Variants in CPAMD8 observed in about 807,000 individuals in gnomAD.
CPAMD8 encodes the protein C3 and PZP-like alpha-2-macroglobulin domain-containing protein 8.
CPAMD8 carries 146 observed loss-of-function variants against 224.7 expected under a neutral mutation model. The ratio of observed to expected loss-of-function variants is 0.65; its 90% confidence interval spans 0.57 to 0.75. CPAMD8 has a LOEUF of 0.75. CPAMD8 is among the 30% of genes least tolerant of loss of function. The pLI is 0.00. For missense variants in CPAMD8, 2,301 were observed against 2,537.5 expected, an observed-to-expected ratio of 0.91 and a Z score of 2.00; for synonymous variants, 966 against 1,044.6, an observed-to-expected ratio of 0.92 and a Z score of 1.45.
At chr19:16,925,874 C>CT (rs1171841317) in intron 25 of CPAMD8, among the ~76,000 whole-genome samples, 32 of 152,236 alleles carry the variant, frequency 2.1e-4, no homozygotes, top group African/African-American at 7.5e-4. Flanking sequence ...CTGCCTCAGC[C>CT]TCCTGAGTAG....
intron 20 of CPAMD8, among the ~76,000 whole-genome samples, chr19:16,948,910 AG>A (rs2054205861): frequency 1.3e-5 from 1 of 79,394 alleles, no homozygotes; most frequent in Non-Finnish European, 2.3e-5. Flanking sequence ...AGGGAAGGGA[AG>A]GGAAAGGAAG....
intron 22 of CPAMD8, among the ~76,000 whole-genome samples, chr19:16,941,783 G>A (rs949092892): frequency 4.6e-5 from 7 of 151,972 alleles, no homozygotes; most frequent in Admixed American, 6.6e-5. Flanking sequence ...GACCAGCCTG[G>A]CCAACATGGT....
Position 16,925,372 on chromosome 19 carries a change from C to G in CPAMD8, c.3371G>C (p.Gly1124Ala), listed in dbSNP as rs571653371. The stretch of plus-strand genomic sequence containing the variant: ...GTTCAGGGTTGGCCCCATGACGTCC[C>G]CTGGTGGGAAGGAGAAGAGAGTTGA... ...GSERATASII[G>A]DVMGPTLNHL... Residue 1124 changes from glycine to alanine, a missense_variant and splice_region_variant, in exon 26 of 42, where the codon GGG becomes GCG. Gly to Ala is a moderately conservative substitution (Grantham distance 60). Transcript: ENST00000443236. 3 of 1,613,354 alleles carry G rather than the reference C, an allele frequency of 1.9e-6. No individual in the cohort carries two copies. The highest frequency in any genetic ancestry group is 2.7e-5 in the African/African-American group (2 of 75,008).
intron 40 of CPAMD8, 35 bp downstream of exon 40, chr19:16,896,420 GT>G: frequency 6.8e-7 from 1 of 1,481,274 alleles, no homozygotes; most frequent in Non-Finnish European, 9.0e-7. Context: ...AGCAGCGATG[GT>G]GTCCCCGAGG....
In CPAMD8 at chr19:16,998,059, G is replaced by C. The variant is rs115918660; in HGVS notation, c.868-721C>G. On this transcript the variant is annotated intron_variant, in intron 10 of 41. Transcript: ENST00000443236. ...GAGAGAACTAAGTCAAAGACCATCA[G>C]CTGGTAGCCTCCCAGGAGAATGGCT... is the stretch of plus-strand genomic sequence containing the variant. Among the ~76,000 whole-genome samples the C allele has an allele frequency of 1.8e-3, 278 of 152,346 alleles. 2 individuals carry two copies. The highest frequency in any genetic ancestry group is 6.5e-3 in the African/African-American group (270 of 41,588).
At chr19:17,011,844 G>A in intron 3 of CPAMD8, 87 bp from the exon 4 acceptor site, 4 of 1,447,804 alleles carry the variant, frequency 2.8e-6, no homozygotes, top group East Asian at 2.3e-5. Flanking sequence ...GCCTGGAACA[G>A]GGGGAACTCA....
intron 29 of CPAMD8, 54 bp downstream of exon 29, chr19:16,914,370 A>C (rs2052850514): frequency 1.4e-6 from 2 of 1,475,130 alleles, no homozygotes; most frequent in South Asian, 2.3e-5. Flanking sequence ...GGAACCTTCC[A>C]TTTGCTCCTC....
intron 3 of CPAMD8, among the ~76,000 whole-genome samples, chr19:17,015,466 G>A (rs1474554601): frequency 2.0e-5 from 3 of 152,076 alleles, no homozygotes; most frequent in Non-Finnish European, 4.4e-5. Context: ...TAGGACCCCC[G>A]CTCTCTGAAG....
chr19:16,995,075 G>A (rs1006451328), intron 11 of CPAMD8, among the ~76,000 whole-genome samples: 3 of 152,176 alleles, frequency 2.0e-5, no homozygotes, highest in Admixed American at 6.6e-5. Flanking sequence ...TTCTGACCCC[G>A]CACGAGGTAC....
At chr19:16,991,433 G>C (rs527935002) in intron 12 of CPAMD8, among the ~76,000 whole-genome samples, 3 of 152,078 alleles carry the variant, frequency 2.0e-5, no homozygotes, top group African/African-American at 7.2e-5. Context: ...CACCTGTGAA[G>C]TGTGGCCCAG....
At position 16,898,380 on chromosome 19, in the gene CPAMD8, A is replaced by C. The variant is rs1483349388; in HGVS notation, c.4849-386T>G. 1.3e-5 allele frequency among the ~76,000 whole-genome samples: 2 copies of C among 151,840 alleles called. No homozygotes were observed. Among genetic ancestry groups the C allele is most frequent in the African/African-American group, 4.8e-5 (2 of 41,330 alleles). On this transcript the variant is annotated intron_variant, in intron 37 of 41. Coordinates refer to ENST00000443236, the MANE Select transcript of CPAMD8 (RefSeq NM_015692.5). This position sits in a 1 kb window ranked among gnomAD's most constrained non-coding sequence, Gnocchi z 4.2. ...AGGCTGGTCTCCAACTCCTGCCCTC[A>C]AGTGATCCGCCTCGGTCCCATTTTT...
In CPAMD8 at chr19:16,893,197, G is replaced by T; in HGVS notation, c.5569C>A (p.Leu1857Ile). ...GRVVGAHRPG[L>I]LSPVFVYSPA... Reference sequence around the variant, plus strand: ...CTGTAGACGAAGACAGGGCTCAGAAGCCCTGGCCTGTGGGCCCCCACCACC... The same window carrying T: ...CTGTAGACGAAGACAGGGCTCAGAATCCCTGGCCTGTGGGCCCCCACCACC... The change falls in exon 42 of 42, where the codon CTT becomes ATT. Residue 1857 changes from leucine (L) to isoleucine (I), a missense_variant. By Grantham distance (5) the Leu-to-Ile change is conservative. This residue lies in a region of CPAMD8 where 1,709 missense variants were observed against 1,753.2 expected (regional missense o/e 0.97). Transcript: ENST00000443236. 6.3e-7 allele frequency: 1 copy of T among 1,595,840 alleles called. No individual in the cohort carries two copies. Among genetic ancestry groups the T allele is most frequent in the Non-Finnish European group, 8.6e-7 (1 of 1,168,336 alleles).
rs148012449 is a variant in CPAMD8 at position 17,022,303 on chromosome 19, G to T, written c.93-122C>A. The T allele has an allele frequency of 1.5e-4, 163 of 1,103,978 alleles. No individual in the cohort carries two copies. The East Asian group carries it at 3.2e-3, about 22-fold the overall frequency. 68.4% of individuals were successfully genotyped at this position (1,103,978 alleles called of 1,614,324 possible). A position where few individuals can be genotyped will look rare whatever the true frequency, so the allele number is the denominator to read the frequency against. ...GCCTTTTGCTGACCACACCTGGCTG[G>T]CATTGATGCTCTAGGAGTCTGTGCC... On this transcript the variant is annotated intron_variant, in intron 1 of 41. Transcript: ENST00000443236.
intron 22 of CPAMD8, among the ~76,000 whole-genome samples, chr19:16,943,665 T>C (rs994192056): frequency 1.3e-5 from 2 of 152,236 alleles, no homozygotes; most frequent in African/African-American, 4.8e-5. Flanking sequence ...CTGATGGACA[T>C]TTCCTAAAAT....
intron 29 of CPAMD8, among the ~76,000 whole-genome samples, chr19:16,909,057 G>A (rs900922662): frequency 1.3e-5 from 2 of 152,170 alleles, no homozygotes; most frequent in African/African-American, 4.8e-5. Flanking sequence ...GTCATTTGCT[G>A]GTTGCCCCCC....
chr19:16,999,768 C>T (rs2056252488), intron 10 of CPAMD8, among the ~76,000 whole-genome samples: 1 of 152,074 alleles, frequency 6.6e-6, no homozygotes, highest in African/African-American at 2.4e-5. Context: ...CCTGCCTCTA[C>T]CTTCCAAATA....
intron 9 of CPAMD8, among the ~76,000 whole-genome samples, chr19:17,001,856 G>A (rs79905124): frequency 0.043 from 6,514 of 151,798 alleles, 451 homozygotes; most frequent in African/African-American, 0.15. Flanking sequence ...ACTCCAGGGA[G>A]GGGGTGCCCC....
intron 20 of CPAMD8, among the ~76,000 whole-genome samples, chr19:16,951,101 A>G (rs567811724): frequency 4.0e-4 from 61 of 152,186 alleles, no homozygotes; most frequent in Non-Finnish European, 7.2e-4. Context: ...TAATGTTCTC[A>G]GTGTCTACTG....
chr19:16,903,702 C>T lies in CPAMD8; in HGVS notation c.4407G>A (p.Ala1469=), dbSNP rs369367045. 79 of 1,614,028 alleles carry T rather than the reference C, an allele frequency of 4.9e-5. No homozygotes were observed. The highest frequency in any genetic ancestry group is 6.3e-5 in the Non-Finnish European group (74 of 1,180,018). Residue 1469 remains alanine (A), a splice_region_variant and synonymous_variant, in exon 33 of 42, where the codon GCG becomes GCA. Transcript: ENST00000443236. ...RTNQKVLQTA[A]IPSLPTGLFV... is the part of the protein sequence containing the mutation. The stretch of plus-strand genomic sequence containing the variant: ...AAACCCTCATCCCAGGAACACGCAC[C>T]GCTGCTGTCTGCAGAACCTTCTGGT...
Sources: gnomAD v4.1 joint callset for allele counts (sites outside exome capture counted in the v4.1 genomes callset) on GRCh38, gnomAD v4.1.1 for gene constraint, gnomAD v4.1.1 regional missense constraint, Gnocchi (gnomAD v3.1) non-coding constraint, MANE v1.5 for transcripts, NCBI Gene and HGNC (gene_info 2026-07-23, HGNC 2026-07-21) for gene names.